Variants in CEP128 observed in about 807,000 individuals in gnomAD.
CEP128 encodes centrosomal protein 128kDa.
CEP128 carries 132 observed loss-of-function variants against 156.7 expected under a neutral mutation model. That is an observed-to-expected ratio of 0.84 (90% confidence interval 0.73 to 0.97). The LOEUF is 0.97. Ranked by LOEUF, CEP128 falls within the 50% of genes least tolerant of loss-of-function variation. CEP128 has a pLI of 0.00. For missense variants in CEP128, 1,252 were observed against 1,281.9 expected (o/e 0.98, Z 0.36); for synonymous variants, 469 against 448.9 (o/e 1.04, Z -0.57).
chr14:80,820,166 T>A (rs1178098599), intron 13 of CEP128, among the ~76,000 whole-genome samples: 1 of 152,222 alleles, frequency 6.6e-6, no homozygotes, highest in African/African-American at 2.4e-5. Context: ...TCACAATATA[T>A]TAACAATAAT....
chr14:80,654,324 G>A (rs1026561148), intron 19 of CEP128, among the ~76,000 whole-genome samples: 1 of 152,148 alleles, frequency 6.6e-6, no homozygotes, highest in Admixed American at 6.6e-5. Context: ...TGAAGACCAA[G>A]ATAGGAAGAT....
chr14:80,486,159 C>A (rs1887159756), downstream of CEP128, among the ~76,000 whole-genome samples: 2 of 152,156 alleles, frequency 1.3e-5, no homozygotes, highest in Admixed American at 1.3e-4. Flanking sequence ...GAAACACCTT[C>A]TCTGAAGTCC....
Position 80,864,061 on chromosome 14 carries a change from G to A in CEP128, c.646-1188C>T, listed in dbSNP as rs533623786. 2.0e-5 allele frequency among the ~76,000 whole-genome samples: 3 copies of A among 152,298 alleles called. No individual in the cohort carries two copies. The East Asian group carries it at 5.8e-4, about 29-fold the overall frequency. ...TCTTCCTCAGCCTACTCAACTTGAAGGCGGAAGACCTTTATGATGATCAAC... is the reference window on the plus strand; with the variant it reads ...TCTTCCTCAGCCTACTCAACTTGAAAGCGGAAGACCTTTATGATGATCAAC... On this transcript the variant is annotated intron_variant, in intron 8 of 24. Transcript: ENST00000555265.
At position 80,785,416 on chromosome 14, in the gene CEP128, C is replaced by T. The variant is rs1901353706; in HGVS notation, c.1690G>A (p.Glu564Lys). 1.2e-6 allele frequency: 2 copies of T among 1,613,940 alleles called. No homozygotes were observed. The highest frequency in any genetic ancestry group is 1.3e-5 in the African/African-American group (1 of 74,916). ...ALQEEELHSK[E>K]EKLRDIKSHQ... ...GACTTAATATCACGTAATTTCTCCT[C>T]CTTGGAGTGAAGCTCCTCCTCCTGA... Residue 564 changes from glutamate (E) to lysine (K), a missense_variant, in exon 15 of 25, where the codon GAG (glutamate) becomes AAG (lysine). Glu to Lys is a moderately conservative substitution (Grantham distance 56, BLOSUM62 1). Transcript: ENST00000555265.
intron 19 of CEP128, among the ~76,000 whole-genome samples, chr14:80,647,926 TAAGCAGAGTATATGGAA>T (rs1249255296): frequency 6.6e-6 from 1 of 152,068 alleles, no homozygotes; most frequent in Admixed American, 6.6e-5. Context: ...ACCCTATAAA[TAAGCAGAGTATATGGAA>T]AATTATATTT....
chr14:80,527,843 T>C (rs1410227071), intron 22 of CEP128, among the ~76,000 whole-genome samples: 1 of 152,132 alleles, frequency 6.6e-6, no homozygotes, highest in African/African-American at 2.4e-5. Context: ...TAAAAAAAAT[T>C]AAGAAAACAA....
At position 80,701,243 on chromosome 14, in the gene CEP128, T is replaced by A. The variant is rs117440587; in HGVS notation, c.2806+41832A>T. On this transcript the variant is annotated intron_variant, in intron 19 of 24. Coordinates refer to ENST00000555265, the MANE Select transcript of CEP128 (RefSeq NM_152446.5). ...GTTCCTGTGTAGCCTGCAAGGGAAG[T>A]AGAGGCAGCTGAGAGTGTAGCTGGG... Among the ~76,000 whole-genome samples, 597 of 152,150 alleles carry A rather than the reference T, an allele frequency of 3.9e-3. 11 individuals are homozygous for A. In the Middle Eastern group the frequency reaches 0.048, roughly 12 times the overall value.
intron 16 of CEP128, among the ~76,000 whole-genome samples, chr14:80,768,542 C>G (rs1900355859): frequency 6.6e-6 from 1 of 152,144 alleles, no homozygotes. Flanking sequence ...TTGCTTTATA[C>G]TATTTCCTCC....
rs1038136982 is a variant in CEP128 at position 80,958,661 on chromosome 14, T to C, written c.-279-376A>G. 1.6e-4 allele frequency among the ~76,000 whole-genome samples: 25 copies of C among 151,924 alleles called. 1 individual carries two copies. Among genetic ancestry groups the C allele is most frequent in the Admixed American group, 1.4e-3 (22 of 15,272 alleles). ...TTTCTTGACAAGAAAATCTAGATCT[T>C]TTTTTACATCTTTCTAGACAAGAAA... On this transcript the variant is annotated intron_variant, in intron 1 of 7. Transcript: ENST00000555529.
At chr14:80,808,840 G>A (rs770108106) in intron 13 of CEP128, among the ~76,000 whole-genome samples, 10 of 151,960 alleles carry the variant, frequency 6.6e-5, no homozygotes, top group Non-Finnish European at 1.0e-4. Context: ...CCCAACCAAC[G>A]CCACTAATGT....
intron 2 of CEP128, among the ~76,000 whole-genome samples, chr14:80,948,703 A>G (rs2139654830): frequency 6.6e-6 from 1 of 152,338 alleles, no homozygotes; most frequent in South Asian, 2.1e-4. Flanking sequence ...TGTTACATTT[A>G]AAAGGATTCT....
intron 9 of CEP128, among the ~76,000 whole-genome samples, chr14:80,861,083 G>A (rs1485919311): frequency 6.6e-6 from 1 of 151,812 alleles, no homozygotes; most frequent in Non-Finnish European, 1.5e-5. Flanking sequence ...ATCCATGAGT[G>A]CACATAACAA....
At chr14:80,707,446 G>A (rs1205827742) in intron 19 of CEP128, among the ~76,000 whole-genome samples, 3 of 152,094 alleles carry the variant, frequency 2.0e-5, no homozygotes, top group African/African-American at 2.4e-5. Flanking sequence ...AGTTTACCAC[G>A]TAAATATTTA....
chr14:80,732,784 G>T (rs1467752041), intron 19 of CEP128, among the ~76,000 whole-genome samples: 1 of 152,056 alleles, frequency 6.6e-6, no homozygotes, highest in Admixed American at 6.6e-5. Flanking sequence ...AAAATAATCT[G>T]TGTTGGACTT....
At chr14:80,656,323 A>T (rs71430716) in intron 19 of CEP128, among the ~76,000 whole-genome samples, 2,725 of 33,476 alleles carry the variant, frequency 0.081, 290 homozygotes, top group African/African-American at 0.093. Context: ...ATATATATAT[A>T]TATATATATA....
chr14:80,735,618 A>T (rs761971989), intron 19 of CEP128, among the ~76,000 whole-genome samples: 17 of 152,196 alleles, frequency 1.1e-4, no homozygotes, highest in Non-Finnish European at 1.8e-4. Flanking sequence ...TTTTTCATAG[A>T]TGCTGTAACA....
intron 23 of CEP128, among the ~76,000 whole-genome samples, chr14:80,520,107 T>C (rs1279061330): frequency 2.0e-5 from 3 of 152,160 alleles, no homozygotes; most frequent in Non-Finnish European, 4.4e-5. Context: ...GGAATCCAAA[T>C]TGATAGAACA....
At chr14:80,581,911 C>G (rs531996544) in intron 19 of CEP128, among the ~76,000 whole-genome samples, 74 of 152,210 alleles carry the variant, frequency 4.9e-4, no homozygotes, top group Non-Finnish European at 9.4e-4. Flanking sequence ...CTTCTTGCAT[C>G]TGGGCTGGCC....
At chr14:80,703,084 A>G in intron 19 of CEP128, among the ~76,000 whole-genome samples, 1 of 152,144 alleles carries the variant, frequency 6.6e-6, no homozygotes, top group Admixed American at 6.6e-5. Flanking sequence ...AAGTACACAG[A>G]TTGGCAGATG....
Sources: gnomAD v4.1 joint callset for allele counts (sites outside exome capture counted in the v4.1 genomes callset) on GRCh38, gnomAD v4.1.1 for gene constraint, MANE v1.5 for transcripts, NCBI Gene and HGNC (gene_info 2026-07-23, HGNC 2026-07-21) for gene names.